Variants in NALF1 observed in about 807,000 individuals in gnomAD.
The protein encoded by NALF1 is family with sequence similarity 155 member A.
NALF1 carries 3 observed loss-of-function variants against 48.4 expected under a neutral mutation model. That is an observed-to-expected ratio of 0.06 (90% confidence interval 0.03 to 0.16). The LOEUF is 0.16. NALF1 is among the 10% of genes least tolerant of loss of function. NALF1 has a pLI of 1.00. For synonymous variants in NALF1, 262 were observed against 245.7 expected (o/e 1.07, Z -0.62); for missense variants, 526 against 571.5 (o/e 0.92, Z 0.81).
At chr13:107,666,855 T>C (rs1880872334) in intron 1 of NALF1, among the ~76,000 whole-genome samples, 1 of 152,118 alleles carries the variant, frequency 6.6e-6, no homozygotes, top group South Asian at 2.1e-4. Flanking sequence ...CGTGCTTCAA[T>C]TTCAGCAGAT....
chr13:107,453,624 T>C (rs1884778557), intron 1 of NALF1, among the ~76,000 whole-genome samples: 1 of 152,228 alleles, frequency 6.6e-6, no homozygotes, highest in African/African-American at 2.4e-5. Flanking sequence ...CTGGAGACAT[T>C]TTCCCCATTG....
intron 1 of NALF1, among the ~76,000 whole-genome samples, chr13:107,373,330 C>G (rs916836758): frequency 1.1e-4 from 16 of 152,154 alleles, no homozygotes; most frequent in Non-Finnish European, 1.9e-4. Flanking sequence ...ATTTTGAATA[C>G]CAGATGTTGA....
chr13:107,663,886 T>TA (rs2138479514), intron 1 of NALF1, among the ~76,000 whole-genome samples: 1 of 152,244 alleles, frequency 6.6e-6, no homozygotes, highest in South Asian at 2.1e-4. Context: ...CTCTGTTACT[T>TA]ATTCTCCTCA....
intron 1 of NALF1, among the ~76,000 whole-genome samples, chr13:107,415,358 A>C (rs1343810916): frequency 1.3e-5 from 2 of 151,300 alleles, no homozygotes; most frequent in African/African-American, 4.8e-5. Context: ...CTAAGGACAA[A>C]CCGAGGGCCA....
chr13:107,636,644 A>G (rs1392382909), intron 1 of NALF1, among the ~76,000 whole-genome samples: 1 of 152,094 alleles, frequency 6.6e-6, no homozygotes, highest in Non-Finnish European at 1.5e-5. Context: ...TGTATGGTAA[A>G]GGGAAATAGA....
In NALF1 at chr13:107,168,622, G is replaced by A. The variant is rs1178085546; in HGVS notation, c.*1875C>T. 1 of 152,490 alleles carries A rather than the reference G, an allele frequency of 6.6e-6. No homozygotes were observed. Among genetic ancestry groups the A allele is most frequent in the Non-Finnish European group, 1.5e-5 (1 of 68,026 alleles). 9.4% of individuals were successfully genotyped at this position (152,490 alleles called of 1,614,324 possible). The stretch of plus-strand genomic sequence containing the variant: ...AAACACTATTAAAACAAAGAATCTA[G>A]TAAAATATTGTGCATGTACTGCTAA... On this transcript the variant is annotated 3_prime_UTR_variant, in exon 3 of 3. Transcript: ENST00000375915.
chr13:107,199,494 T>C (rs1449612223), intron 2 of NALF1, among the ~76,000 whole-genome samples: 1 of 152,120 alleles, frequency 6.6e-6, no homozygotes, highest in Non-Finnish European at 1.5e-5. Context: ...GTTATTTCCA[T>C]ATACGGTCAC....
intron 1 of NALF1, among the ~76,000 whole-genome samples, chr13:107,397,466 C>A (rs114724094): frequency 0.019 from 2,952 of 152,204 alleles, 102 homozygotes; most frequent in African/African-American, 0.067. Flanking sequence ...GGCTGACATG[C>A]CCATGAATTA....
chr13:107,272,014 G>A (rs11620310), intron 1 of NALF1, among the ~76,000 whole-genome samples: 42,216 of 150,854 alleles, frequency 0.28, 7,325 homozygotes, highest in South Asian at 0.5. Context: ...GCCAGTGCTT[G>A]GGTTTTAGAG....
rs35255869 is a variant in NALF1 at position 107,828,492 on chromosome 13, G to GTTT, written c.915+37187_915+37189dup. Among the ~76,000 whole-genome samples, 484 of 136,752 alleles carry GTTT rather than the reference G, an allele frequency of 3.5e-3. 7 individuals are homozygous for GTTT. The highest frequency in any genetic ancestry group is 0.011 in the African/African-American group (403 of 37,174). The allele number at this position is 136,752 out of a possible 152,430, so 89.7% of individuals were successfully genotyped here. A position where few individuals can be genotyped will look rare whatever the true frequency, so the allele number is the denominator to read the frequency against. ...CTTTTTGTAGTTGAGCCACTGACTT[G>GTTT]TTTTTTTTTTTTTTTCTTTCAAAGA... On this transcript the variant is annotated intron_variant, in intron 1 of 2. Transcript: ENST00000375915.
At chr13:107,340,040 A>C (rs1291542115) in intron 1 of NALF1, among the ~76,000 whole-genome samples, 1 of 152,158 alleles carries the variant, frequency 6.6e-6, no homozygotes, top group African/African-American at 2.4e-5. Flanking sequence ...TGCCATGTAA[A>C]AACTGCTAAA....
At chr13:107,649,483 C>T (rs960697412) in intron 1 of NALF1, among the ~76,000 whole-genome samples, 1 of 152,100 alleles carries the variant, frequency 6.6e-6, no homozygotes, top group Non-Finnish European at 1.5e-5. Context: ...ATGATTGAAT[C>T]AGATATTTTC....
intron 2 of NALF1, among the ~76,000 whole-genome samples, chr13:107,190,842 G>A (rs1315995723): frequency 4.6e-5 from 7 of 152,178 alleles, no homozygotes; most frequent in South Asian, 4.2e-4. Context: ...AAGAAATTAC[G>A]AAAGCATTGG....
At position 107,615,972 on chromosome 13, in the gene NALF1, T is replaced by C. The variant is rs184147602; in HGVS notation, c.915+249710A>G. ...GTAAAGTCCTAATCTGCTAAGAGTA[T>C]AAACTGATGTCCTCCACACAGGACT... is the stretch of plus-strand genomic sequence containing the variant. On this transcript the variant is annotated intron_variant, in intron 1 of 2. Coordinates refer to ENST00000375915, the MANE Select transcript of NALF1 (RefSeq NM_001080396.3). Among the ~76,000 whole-genome samples the C allele has an allele frequency of 1.1e-3, 163 of 152,298 alleles. 1 individual carries two copies. The highest frequency in any genetic ancestry group is 3.7e-3 in the African/African-American group (154 of 41,578).
chr13:107,590,044 T>C (rs1878562931), intron 1 of NALF1, among the ~76,000 whole-genome samples: 1 of 152,016 alleles, frequency 6.6e-6, no homozygotes, highest in Admixed American at 6.6e-5. Flanking sequence ...GGAGAGACAC[T>C]AGACATACAG....
intron 1 of NALF1, among the ~76,000 whole-genome samples, chr13:107,808,742 G>A (rs1039686131): frequency 2.0e-5 from 3 of 151,630 alleles, no homozygotes; most frequent in Non-Finnish European, 4.4e-5. Flanking sequence ...AAAAGAAAAG[G>A]CAGTTTGGAA....
At chr13:107,715,168 T>C (rs961441814) in intron 1 of NALF1, among the ~76,000 whole-genome samples, 1 of 152,104 alleles carries the variant, frequency 6.6e-6, no homozygotes, top group Middle Eastern at 3.2e-3. Context: ...TCAGTTATTG[T>C]AAAATATTTT....
intron 1 of NALF1, among the ~76,000 whole-genome samples, chr13:107,366,979 G>A (rs1404625407): frequency 1.3e-5 from 2 of 152,192 alleles, no homozygotes; most frequent in Non-Finnish European, 2.9e-5. Context: ...CCTTCACTCT[G>A]AATGCCTCTG....
intron 1 of NALF1, among the ~76,000 whole-genome samples, chr13:107,846,697 T>A (rs1880182072): frequency 6.6e-6 from 1 of 152,186 alleles, no homozygotes; most frequent in South Asian, 2.1e-4. Flanking sequence ...GCTAGTAGGG[T>A]CAGAATAGCT....
Sources: allele counts gnomAD v4.1 joint callset (sites outside exome capture counted in the v4.1 genomes callset), GRCh38; gene constraint gnomAD v4.1.1; transcripts MANE v1.5; gene names NCBI Gene and HGNC (gene_info 2026-07-23, HGNC 2026-07-21).